ERGIC1: variants seen among roughly 807,000 people sequenced by gnomAD.
ERGIC1 encodes endoplasmic reticulum-Golgi intermediate compartment protein 1.
ERGIC1 carries 19 observed loss-of-function variants against 38.3 expected under a neutral mutation model. The observed-to-expected ratio is 0.50, with a 90% CI of 0.35 to 0.73. The LOEUF is 0.73. Among genes scored for constraint, ERGIC1 ranks in the 30% least tolerant of loss-of-function variants. ERGIC1 has a pLI of 0.01. For missense variants in ERGIC1, 294 were observed against 389.2 expected, an observed-to-expected ratio of 0.76 and a Z score of 2.06; for synonymous variants, 124 against 157.6, an observed-to-expected ratio of 0.79 and a Z score of 1.60.
intron 1 of ERGIC1, among the ~76,000 whole-genome samples, chr5:172,888,335 C>T (rs1175129543): frequency 6.6e-6 from 1 of 152,094 alleles, no homozygotes; most frequent in African/African-American, 2.4e-5. Flanking sequence ...TGGCACATGC[C>T]CGTAGTCCCA....
intron 1 of ERGIC1, among the ~76,000 whole-genome samples, chr5:172,841,395 C>G (rs934681653): frequency 6.6e-6 from 1 of 152,216 alleles, no homozygotes; most frequent in South Asian, 2.1e-4. Flanking sequence ...CTCAGAAATG[C>G]TGGGAAACAG....
intron 3 of ERGIC1, among the ~76,000 whole-genome samples, chr5:172,907,845 T>C (rs901096256): frequency 2.0e-5 from 3 of 152,192 alleles, no homozygotes; most frequent in Non-Finnish European, 4.4e-5. Flanking sequence ...GGCTGAGTGA[T>C]GTCTGGTTCT....
intron 2 of ERGIC1, among the ~76,000 whole-genome samples, chr5:172,889,578 C>T (rs1762508704): frequency 6.6e-6 from 1 of 152,060 alleles, no homozygotes; most frequent in Non-Finnish European, 1.5e-5. Flanking sequence ...GAAAGTCAGC[C>T]TGCAGCAGTT....
At chr5:172,844,979 C>G (rs575654291) in intron 1 of ERGIC1, among the ~76,000 whole-genome samples, 136 of 152,260 alleles carry the variant, frequency 8.9e-4, no homozygotes, top group African/African-American at 3.0e-3. Context: ...TCCCTCAGTG[C>G]ATCCTCAAGT....
intron 5 of ERGIC1, chr5:172,916,832 A>G (rs1763376597): frequency 6.6e-6 from 1 of 151,782 alleles, no homozygotes; most frequent in Non-Finnish European, 1.5e-5. Context: ...AAAAAAAAAC[A>G]AAATTAGCCG....
chr5:172,893,797 G>A (rs1434000811), intron 2 of ERGIC1, among the ~76,000 whole-genome samples: 2 of 146,670 alleles, frequency 1.4e-5, no homozygotes, highest in Non-Finnish European at 3.0e-5. Context: ...AACCTGTTTC[G>A]ACATAGATTG....
intron 1 of ERGIC1, among the ~76,000 whole-genome samples, chr5:172,869,808 T>TA (rs1761957902): frequency 6.6e-6 from 1 of 152,186 alleles, no homozygotes; most frequent in Non-Finnish European, 1.5e-5. Flanking sequence ...GGGAATTTGG[T>TA]ACAGCTTTCT....
rs923424614 is a variant in ERGIC1 at position 172,915,285 on chromosome 5, T to G, written c.375+447T>G. 5.3e-6 allele frequency: 3 copies of G among 563,766 alleles called. No homozygotes were observed. The African/African-American group carries it at 5.7e-5, about 11-fold the overall frequency. 34.9% of individuals were successfully genotyped at this position (563,766 alleles called of 1,614,324 possible). On this transcript the variant is annotated intron_variant, in intron 5 of 9. Transcript: ENST00000393784. ...ATGCAGATTCATTCATTCAGAAAAA[T>G]TTTTGAATGGCACGTTCTGTGTTCC...
At position 172,834,535 on chromosome 5, in the gene ERGIC1, C is replaced by A. The variant is rs78078909; in HGVS notation, c.20+102C>A. 289,319 of 1,164,512 alleles carry A rather than the reference C, an allele frequency of 0.25. 36,940 individuals are homozygous for A. Among genetic ancestry groups the A allele is most frequent in the East Asian group, 0.31 (9,326 of 30,108 alleles). 72.1% of individuals were successfully genotyped at this position (1,164,512 alleles called of 1,614,324 possible). A position where few individuals can be genotyped will look rare whatever the true frequency, so the allele number is the denominator to read the frequency against. On this transcript the variant is annotated intron_variant, in intron 1 of 9. Transcript: ENST00000393784. The surrounding 1 kb of genome is among the most constrained non-coding windows in gnomAD (Gnocchi z 4.1). ...CCCGCCCTGCATGCAAAAGCGGCTC[C>A]CCGCCCTGTGCATGCCTCCGCAGGC...
In ERGIC1 at chr5:172,920,301, C is replaced by T. The variant is rs1305396362; in HGVS notation, c.376-3704C>T. On this transcript the variant is annotated intron_variant, in intron 5 of 9. Transcript: ENST00000393784. ...GTGATGGCAAGGTCAGCAGCCAGCC[C>T]CCGCACCTCTCTCCCAGCATCAGGC... 8.4e-6 allele frequency: 6 copies of T among 717,342 alleles called. No individual in the cohort carries two copies. In the African/African-American group the frequency reaches 8.7e-5, roughly 10 times the overall value. The allele number at this position is 717,342 out of a possible 1,614,324, so 44.4% of individuals were successfully genotyped here. A position where few individuals can be genotyped will look rare whatever the true frequency, so the allele number is the denominator to read the frequency against.
At chr5:172,893,632 CG>C (rs1375798621) in intron 2 of ERGIC1, among the ~76,000 whole-genome samples, 2 of 151,382 alleles carry the variant, frequency 1.3e-5, no homozygotes, top group African/African-American at 4.9e-5. Context: ...CCTCAGTTTG[CG>C]GGTGAGAAAG....
In ERGIC1 at chr5:172,950,926, G is replaced by T. The variant is rs141121708; in HGVS notation, c.*110G>T. The T allele has an allele frequency of 3.1e-3, 2,788 of 903,722 alleles. 10 individuals are homozygous for T. The highest frequency in any genetic ancestry group is 4.7e-3 in the Middle Eastern group (14 of 2,964). The allele number at this position is 903,722 out of a possible 1,614,324, so 56.0% of individuals were successfully genotyped here. Reference sequence around the variant, plus strand: ...TCCCAAATCTGGCTGTGTCCCAAAGGGTGTGTGGGAAGTGGGGGGAAAGTA... The same window carrying T: ...TCCCAAATCTGGCTGTGTCCCAAAGTGTGTGTGGGAAGTGGGGGGAAAGTA... On this transcript the variant is annotated 3_prime_UTR_variant, in exon 10 of 10. Coordinates refer to ENST00000393784, the MANE Select transcript of ERGIC1 (RefSeq NM_001031711.3).
chr5:172,872,046 C>T (rs1157682513), intron 1 of ERGIC1, among the ~76,000 whole-genome samples: 1 of 152,152 alleles, frequency 6.6e-6, no homozygotes, highest in African/African-American at 2.4e-5. Context: ...AGCTAGCTGC[C>T]TGCCCCTTCA....
At chr5:172,849,357 A>AT (rs1397876653) in intron 1 of ERGIC1, among the ~76,000 whole-genome samples, 6 of 152,094 alleles carry the variant, frequency 3.9e-5, no homozygotes, top group African/African-American at 1.2e-4. Context: ...GGGAATCTGC[A>AT]TTTTCACCAG....
intron 1 of ERGIC1, among the ~76,000 whole-genome samples, chr5:172,838,879 C>G (rs1465178502): frequency 6.6e-6 from 1 of 152,230 alleles, no homozygotes; most frequent in Non-Finnish European, 1.5e-5. Context: ...GCCTGTATTT[C>G]TACCCTGCTG....
chr5:172,836,365 G>T (rs548030313), intron 1 of ERGIC1, among the ~76,000 whole-genome samples: 2 of 152,340 alleles, frequency 1.3e-5, no homozygotes, highest in South Asian at 4.1e-4. Flanking sequence ...TGAGAAGCTG[G>T]CTAGTCTGGG....
intron 3 of ERGIC1, among the ~76,000 whole-genome samples, chr5:172,907,056 A>G (rs1281590204): frequency 6.6e-6 from 1 of 152,110 alleles, no homozygotes; most frequent in African/African-American, 2.4e-5. Context: ...TCCTCCGCCC[A>G]GTCCCATCCA....
intron 1 of ERGIC1, among the ~76,000 whole-genome samples, chr5:172,839,295 C>T (rs1372603872): frequency 3.3e-5 from 5 of 150,908 alleles, no homozygotes; most frequent in Non-Finnish European, 7.4e-5. Context: ...GTAGCTCACA[C>T]CTGTAATCCC....
At chr5:172,855,899 C>T (rs1271282635) in intron 1 of ERGIC1, among the ~76,000 whole-genome samples, 5 of 152,228 alleles carry the variant, frequency 3.3e-5, no homozygotes, top group Admixed American at 6.5e-5. Flanking sequence ...GCCAGGCCAG[C>T]GACTGTCAGC....
Sources: allele counts gnomAD v4.1 joint callset (sites outside exome capture counted in the v4.1 genomes callset), GRCh38; gene constraint gnomAD v4.1.1; non-coding constraint Gnocchi (gnomAD v3.1); transcripts MANE v1.5; gene names NCBI Gene and HGNC (gene_info 2026-07-23, HGNC 2026-07-21).